The following SENP7 variants were observed in gnomAD, a reference collection of about 807,000 sequenced individuals.
SENP7 encodes SUMO specific peptidase 7.
SENP7 carries 64 observed loss-of-function variants against 141.2 expected under a neutral mutation model. That is an observed-to-expected ratio of 0.45 (90% CI 0.37 to 0.56). SENP7 has a LOEUF of 0.56. SENP7 is among the 20% of genes least tolerant of loss of function. The pLI is 0.00. For missense variants in SENP7, 1,025 were observed against 1,212.2 expected (o/e 0.85, Z 2.29); for synonymous variants, 382 against 426.4 (o/e 0.90, Z 1.28).
intron 6 of SENP7, among the ~76,000 whole-genome samples, chr3:101,397,482 A>C (rs928626528): frequency 2.0e-5 from 3 of 152,196 alleles, no homozygotes; most frequent in Admixed American, 6.5e-5. Flanking sequence ...CCAATTACAC[A>C]TTAAATTTAG....
chr3:101,400,221 T>TA (rs749021790), intron 5 of SENP7, among the ~76,000 whole-genome samples: 2 of 152,246 alleles, frequency 1.3e-5, no homozygotes, highest in Non-Finnish European at 2.9e-5. Context: ...TCCTAACTCC[T>TA]CTTTATTAGA....
intron 4 of SENP7, among the ~76,000 whole-genome samples, 173 bp from the exon 5 acceptor site, chr3:101,417,963 G>C (rs1019420684): frequency 1.3e-5 from 2 of 152,056 alleles, no homozygotes; most frequent in South Asian, 2.1e-4. Flanking sequence ...ACCTTAAAAA[G>C]TAAAATCTAT....
At chr3:101,434,713 G>T (rs747985804) in intron 4 of SENP7, among the ~76,000 whole-genome samples, 7 of 152,020 alleles carry the variant, frequency 4.6e-5, no homozygotes, top group Non-Finnish European at 8.8e-5. Context: ...TAACAAGATT[G>T]AACCACGAAG....
At chr3:101,461,765 CAAACAGAT>C (rs1422693621) in intron 3 of SENP7, among the ~76,000 whole-genome samples, 2 of 152,040 alleles carry the variant, frequency 1.3e-5, no homozygotes, top group African/African-American at 4.8e-5. Flanking sequence ...GAAAACAATA[CAAACAGAT>C]GAACAGATAA....
At chr3:101,456,053 CA>C (rs1469634879) in intron 4 of SENP7, among the ~76,000 whole-genome samples, 1 of 152,078 alleles carries the variant, frequency 6.6e-6, no homozygotes, top group African/African-American at 2.4e-5. Flanking sequence ...TTTTAAATTC[CA>C]CTTTTTAATA....
intron 3 of SENP7, among the ~76,000 whole-genome samples, chr3:101,471,948 T>C (rs1389618278): frequency 6.6e-6 from 1 of 152,172 alleles, no homozygotes; most frequent in Non-Finnish European, 1.5e-5. Context: ...AAAACCACAA[T>C]GAGATACCAT....
At chr3:101,506,189 T>C (rs184662478) in intron 1 of SENP7, among the ~76,000 whole-genome samples, 1 of 152,202 alleles carries the variant, frequency 6.6e-6, no homozygotes, top group African/African-American at 2.4e-5. Flanking sequence ...CCTGGCTAAT[T>C]TTTTATGTTT....
At chr3:101,366,798 C>A in intron 8 of SENP7, 29 bp from the exon 9 acceptor site, 2 of 1,465,128 alleles carry the variant, frequency 1.4e-6, no homozygotes, top group Non-Finnish European at 1.8e-6. Context: ...AAAAAAATAG[C>A]ATTTTTCAAA....
In SENP7 at chr3:101,355,798, C is replaced by T. The variant is rs147483143; in HGVS notation, c.1624-4147G>A. The stretch of plus-strand genomic sequence containing the variant: ...AGCACTGAATCTATAAACTGCTTTG[C>T]GCAAGATGGCCATTTTAATTCTATT... On this transcript the variant is annotated intron_variant, in intron 11 of 23. Coordinates refer to ENST00000394095, the MANE Select transcript of SENP7 (RefSeq NM_020654.5). Among the ~76,000 whole-genome samples, 822 of 152,174 alleles carry T rather than the reference C, an allele frequency of 5.4e-3. 13 individuals are homozygous for T. The highest frequency in any genetic ancestry group is 5.3e-3 in the Non-Finnish European group (357 of 67,970).
intron 2 of SENP7, among the ~76,000 whole-genome samples, chr3:101,496,664 C>T (rs1357676076): frequency 5.9e-5 from 9 of 151,864 alleles, no homozygotes; most frequent in South Asian, 4.1e-4. Flanking sequence ...CTGCAACCTC[C>T]GCCCCCGAGT....
At chr3:101,379,443 C>T (rs1469143319) in intron 6 of SENP7, among the ~76,000 whole-genome samples, 2 of 152,072 alleles carry the variant, frequency 1.3e-5, no homozygotes, top group African/African-American at 4.8e-5. Flanking sequence ...AATCCCATAT[C>T]TATTAAGGGA....
At chr3:101,410,202 G>C (rs1023895098) in intron 5 of SENP7, among the ~76,000 whole-genome samples, 2 of 152,098 alleles carry the variant, frequency 1.3e-5, no homozygotes, top group Non-Finnish European at 2.9e-5. Context: ...CATCACAAAT[G>C]ATCAGGGAAA....
At chr3:101,339,975 T>C in intron 16 of SENP7, 120 bp downstream of exon 16, 12 of 1,319,424 alleles carry the variant, frequency 9.1e-6, no homozygotes, top group Non-Finnish European at 1.2e-5. Flanking sequence ...ATTTTCCAAA[T>C]CTGAAATCTT....
At chr3:101,472,420 A>G (rs2064037493) in intron 3 of SENP7, among the ~76,000 whole-genome samples, 1 of 152,136 alleles carries the variant, frequency 6.6e-6, no homozygotes, top group South Asian at 2.1e-4. Context: ...CAAACACCGC[A>G]TGTTCTCACT....
intron 6 of SENP7, among the ~76,000 whole-genome samples, chr3:101,393,271 G>T (rs2060866733): frequency 6.6e-6 from 1 of 152,082 alleles, no homozygotes; most frequent in Non-Finnish European, 1.5e-5. Context: ...TATGACATTG[G>T]TCTGAGCAAT....
At chr3:101,332,201 T>A in intron 18 of SENP7, 92 bp from the exon 19 acceptor site, 1 of 1,276,740 alleles carries the variant, frequency 7.8e-7, no homozygotes, top group Non-Finnish European at 1.1e-6. Flanking sequence ...TGAGAATAAA[T>A]TTCATATTAA....
At chr3:101,413,436 T>A (rs1328228353) in intron 5 of SENP7, among the ~76,000 whole-genome samples, 1 of 152,204 alleles carries the variant, frequency 6.6e-6, no homozygotes, top group African/African-American at 2.4e-5. Context: ...AAATATATGT[T>A]AGACAAAGAG....
At chr3:101,494,464 T>A (rs2065086076) in intron 2 of SENP7, among the ~76,000 whole-genome samples, 1 of 152,108 alleles carries the variant, frequency 6.6e-6, no homozygotes, top group African/African-American at 2.4e-5. Context: ...TCTAAACCTT[T>A]GCATATACTC....
intron 5 of SENP7, among the ~76,000 whole-genome samples, chr3:101,406,434 G>T (rs2061307979): frequency 6.6e-6 from 1 of 151,936 alleles, no homozygotes; most frequent in Non-Finnish European, 1.5e-5. Flanking sequence ...GGCCTGTTGT[G>T]GAGTGGGGGG....
Sources: allele counts gnomAD v4.1 joint callset (sites outside exome capture counted in the v4.1 genomes callset), GRCh38; gene constraint gnomAD v4.1.1; transcripts MANE v1.5; gene names NCBI Gene and HGNC (gene_info 2026-07-23, HGNC 2026-07-21).